ESRP1: variants seen among roughly 807,000 people sequenced by gnomAD.
ESRP1 encodes epithelial splicing regulatory protein 1.
Under a neutral mutation model 81.7 loss-of-function variants are expected in ESRP1, and 33 were observed. That is an observed-to-expected ratio of 0.40 (90% CI 0.31 to 0.54). The LOEUF is 0.54. ESRP1 is among the 20% of genes least tolerant of loss of function. The pLI is 0.41. For missense variants in ESRP1, 672 were observed against 833.1 expected (o/e 0.81, Z 2.38); for synonymous variants, 320 against 303.3 (o/e 1.06, Z -0.57).
chr8:94,703,812 T>TGG (rs1311396438), intron 15 of ESRP1, among the ~76,000 whole-genome samples: 1 of 152,172 alleles, frequency 6.6e-6, no homozygotes, highest in Non-Finnish European at 1.5e-5. Context: ...TGGCCATGTC[T>TGG]GGGCCCCTTG....
At chr8:94,658,889 A>C (rs7002041) in intron 4 of ESRP1, among the ~76,000 whole-genome samples, 106,599 of 152,070 alleles carry the variant, frequency 0.7, 37,764 homozygotes, top group East Asian at 0.96. Context: ...CTTTATTGTG[A>C]TTCACAGTTG....
intron 15 of ESRP1, 173 bp from the exon 16 acceptor site, chr8:94,705,752 C>T: frequency 1.6e-6 from 1 of 608,288 alleles, no homozygotes; most frequent in Non-Finnish European, 2.8e-6. Context: ...ACTCCCAAAG[C>T]CCTTGCCATG....
At chr8:94,682,924 A>ATT (rs1808966470) in intron 13 of ESRP1, among the ~76,000 whole-genome samples, 1 of 31,472 alleles carries the variant, frequency 3.2e-5, no homozygotes, top group Non-Finnish European at 5.5e-5. Context: ...ATATATATAT[A>ATT]TATATATATT....
At chr8:94,655,613 T>C (rs1298085272) in intron 4 of ESRP1, among the ~76,000 whole-genome samples, 1 of 151,932 alleles carries the variant, frequency 6.6e-6, no homozygotes, top group East Asian at 1.9e-4. Context: ...GCAACCAAAC[T>C]GGGCACGGTG....
At chr8:94,689,249 CAAAAAAAAA>C (rs56220336) in intron 13 of ESRP1, among the ~76,000 whole-genome samples, 5,222 of 98,994 alleles carry the variant, frequency 0.053, 163 homozygotes, top group African/African-American at 0.12. Context: ...ACTCAGTCTC[CAAAAAAAAA>C]AAAAAAAAAA....
At chr8:94,679,129 C>T (rs1173154823) in intron 13 of ESRP1, among the ~76,000 whole-genome samples, 1 of 152,184 alleles carries the variant, frequency 6.6e-6, no homozygotes, top group East Asian at 1.9e-4. Flanking sequence ...ACAGAATTTT[C>T]CACTAAGGAG....
At chr8:94,658,000 C>T (rs1818522079) in intron 4 of ESRP1, among the ~76,000 whole-genome samples, 1 of 152,142 alleles carries the variant, frequency 6.6e-6, no homozygotes, top group Non-Finnish European at 1.5e-5. Context: ...CAACCTCTGC[C>T]TCCAGGGTTC....
In ESRP1 at chr8:94,665,114, C is replaced by T. The variant is rs376603249; in HGVS notation, c.889-40C>T. 21 of 1,613,528 alleles carry T rather than the reference C, an allele frequency of 1.3e-5. No homozygotes were observed. In the East Asian group the frequency reaches 2.7e-4, roughly 21 times the overall value. ...ATCGTGAATGAGAATTAACATAGGA[C>T]GGAAGGCTCAGAAACACTAACTTCT... On this transcript the variant is annotated intron_variant, in intron 8 of 15. Coordinates refer to ENST00000433389, the MANE Select transcript of ESRP1 (RefSeq NM_017697.4).
intron 6 of ESRP1, among the ~76,000 whole-genome samples, chr8:94,663,434 T>C (rs1818858793): frequency 6.6e-6 from 1 of 152,026 alleles, no homozygotes; most frequent in Admixed American, 6.6e-5. Context: ...TTAGTAGAGA[T>C]GGGGTTTTGC....
At chr8:94,669,006 G>C (rs1373800843) in intron 10 of ESRP1, among the ~76,000 whole-genome samples, 2 of 152,030 alleles carry the variant, frequency 1.3e-5, no homozygotes, top group Admixed American at 6.6e-5. Flanking sequence ...GGCTGTTCTC[G>C]AACTCCTGAC....
chr8:94,666,984 C>T (rs1167832952), intron 9 of ESRP1, among the ~76,000 whole-genome samples: 2 of 152,074 alleles, frequency 1.3e-5, no homozygotes, highest in Non-Finnish European at 2.9e-5. Flanking sequence ...AGGCGGATCA[C>T]TTGTGGTCAA....
intron 15 of ESRP1, among the ~76,000 whole-genome samples, chr8:94,698,712 C>T (rs971439777): frequency 2.6e-5 from 4 of 152,094 alleles, no homozygotes; most frequent in African/African-American, 9.7e-5. Flanking sequence ...TGTCATTTTC[C>T]AATTCTATTA....
intron 11 of ESRP1, among the ~76,000 whole-genome samples, chr8:94,672,996 C>T (rs1268294236): frequency 6.6e-6 from 1 of 152,164 alleles, no homozygotes. Context: ...TAACTGTAAT[C>T]TTGTCTCACT....
intron 13 of ESRP1, among the ~76,000 whole-genome samples, chr8:94,691,585 T>A (rs1036828664): frequency 2.0e-5 from 3 of 152,218 alleles, no homozygotes; most frequent in African/African-American, 7.2e-5. Flanking sequence ...GATTTAAGCT[T>A]GCTGTGCTAA....
At chr8:94,671,335 G>A (rs1009544519) in intron 10 of ESRP1, 118 bp from the exon 11 acceptor site, 14 of 722,920 alleles carry the variant, frequency 1.9e-5, no homozygotes, top group Non-Finnish European at 3.1e-5. Context: ...TATTTATTAG[G>A]TCTGGGGTGA....
At chr8:94,649,529 T>C (rs1393961643) in intron 4 of ESRP1, 2 of 152,166 alleles carry the variant, frequency 1.3e-5, no homozygotes, top group African/African-American at 4.8e-5. Flanking sequence ...ATTTCTTTCT[T>C]TGAGACAGAG....
chr8:94,646,144 A>G, intron 3 of ESRP1, 24 bp from the exon 4 acceptor site: 2 of 1,406,840 alleles, frequency 1.4e-6, no homozygotes, highest in Middle Eastern at 1.8e-4. Context: ...CCTAGTTAAC[A>G]TTATCTACCT....
intron 13 of ESRP1, among the ~76,000 whole-genome samples, chr8:94,685,032 A>G (rs1809082281): frequency 6.6e-6 from 1 of 151,980 alleles, no homozygotes; most frequent in Admixed American, 6.6e-5. Context: ...TAAAAAAAAA[A>G]AAAGCCATAT....
chr8:94,666,293 G>A (rs1420695702), intron 9 of ESRP1, among the ~76,000 whole-genome samples: 1 of 152,214 alleles, frequency 6.6e-6, no homozygotes, highest in Non-Finnish European at 1.5e-5. Flanking sequence ...GGCTGAGACA[G>A]GGAGGATTGC....
Sources: gnomAD v4.1 joint callset for allele counts (sites outside exome capture counted in the v4.1 genomes callset) on GRCh38, gnomAD v4.1.1 for gene constraint, MANE v1.5 for transcripts, NCBI Gene and HGNC (gene_info 2026-07-23, HGNC 2026-07-21) for gene names.